Variants in TCERG1L observed in about 807,000 individuals in gnomAD.
TCERG1L encodes the protein transcription elongation regulator 1 like, also known as transcription elongation regulator 1-like protein.
In TCERG1L, 37 loss-of-function variants were observed where a neutral mutation model predicts 56.3. The ratio of observed to expected loss-of-function variants is 0.66; its 90% CI spans 0.51 to 0.87. TCERG1L has a LOEUF of 0.87. Among genes scored for constraint, TCERG1L ranks in the 40% least tolerant of loss-of-function variants. TCERG1L has a pLI of 0.00. For missense variants in TCERG1L, 799 were observed against 774.2 expected, an observed-to-expected ratio of 1.03 and a Z score of -0.38; for synonymous variants, 324 against 326.3, an observed-to-expected ratio of 0.99 and a Z score of 0.08.
chr10:131,269,569 T>C (rs1846318020), intron 3 of TCERG1L, among the ~76,000 whole-genome samples: 3 of 152,206 alleles, frequency 2.0e-5, no homozygotes, highest in African/African-American at 7.2e-5. Flanking sequence ...AAAGGCTGGT[T>C]GGTGGAGCAG....
At chr10:131,159,080 A>G (rs1414393176) in intron 6 of TCERG1L, among the ~76,000 whole-genome samples, 1 of 152,144 alleles carries the variant, frequency 6.6e-6, no homozygotes. Flanking sequence ...CTTGGCCACG[A>G]TGACCTTCTG....
chr10:131,109,552 T>TC (rs988823771), intron 9 of TCERG1L, among the ~76,000 whole-genome samples: 2 of 152,086 alleles, frequency 1.3e-5, no homozygotes, highest in Non-Finnish European at 2.9e-5. Flanking sequence ...TCTTGTTCTG[T>TC]CCCCCCGGCT....
chr10:131,109,297 C>T (rs762578028), intron 9 of TCERG1L, among the ~76,000 whole-genome samples: 4 of 152,216 alleles, frequency 2.6e-5, no homozygotes, highest in Non-Finnish European at 4.4e-5. Flanking sequence ...TTCCTCACCC[C>T]GCTGTACATC....
chr10:131,303,133 G>C (rs545705880), intron 3 of TCERG1L, among the ~76,000 whole-genome samples: 1 of 152,108 alleles, frequency 6.6e-6, no homozygotes, highest in East Asian at 1.9e-4. Flanking sequence ...AATCCTCTGG[G>C]TATATACCCA....
At chr10:131,105,663 G>A (rs1036708921) in intron 9 of TCERG1L, among the ~76,000 whole-genome samples, 16 of 152,072 alleles carry the variant, frequency 1.1e-4, no homozygotes, top group African/African-American at 3.4e-4. Context: ...TGGATATTTA[G>A]CCCATGCTAG....
chr10:131,157,078 C>T (rs61144164), intron 6 of TCERG1L, among the ~76,000 whole-genome samples: 2,309 of 152,264 alleles, frequency 0.015, 70 homozygotes, highest in African/African-American at 0.052. Context: ...CAGAGGAATG[C>T]ACCGTACTCA....
intron 4 of TCERG1L, among the ~76,000 whole-genome samples, chr10:131,235,588 G>A (rs1005600773): frequency 1.3e-5 from 2 of 152,150 alleles, no homozygotes; most frequent in Non-Finnish European, 2.9e-5. Context: ...GGAATACTCT[G>A]GTGCATTAAC....
At chr10:131,238,149 T>C (rs1845933109) in intron 4 of TCERG1L, among the ~76,000 whole-genome samples, 1 of 152,078 alleles carries the variant, frequency 6.6e-6, no homozygotes. Context: ...TTCCAGCCCC[T>C]AGATCTGCAG....
At chr10:131,197,330 C>T (rs889694586) in intron 4 of TCERG1L, among the ~76,000 whole-genome samples, 5 of 151,906 alleles carry the variant, frequency 3.3e-5, no homozygotes, top group East Asian at 3.9e-4. Context: ...TACAGGCGCC[C>T]GCCACCATGC....
chr10:131,175,374 G>C (rs181990127), intron 4 of TCERG1L, among the ~76,000 whole-genome samples: 8 of 152,348 alleles, frequency 5.3e-5, no homozygotes, highest in African/African-American at 1.9e-4. Flanking sequence ...TGGCATATCA[G>C]GGCCTATGGG....
At chr10:131,205,335 C>A (rs1048101141) in intron 4 of TCERG1L, among the ~76,000 whole-genome samples, 1 of 146,624 alleles carries the variant, frequency 6.8e-6, no homozygotes, top group African/African-American at 2.5e-5. Context: ...AGCTATGAAA[C>A]CTAAACAGGT....
intron 3 of TCERG1L, among the ~76,000 whole-genome samples, chr10:131,307,672 A>C (rs1252206783): frequency 3.3e-5 from 5 of 152,124 alleles, no homozygotes; most frequent in Admixed American, 1.3e-4. Flanking sequence ...GTTTCATGGG[A>C]GTCTGTTCCA....
At chr10:131,094,829 C>A (rs1460455312) in intron 11 of TCERG1L, among the ~76,000 whole-genome samples, 3 of 152,230 alleles carry the variant, frequency 2.0e-5, no homozygotes, top group Non-Finnish European at 4.4e-5. Flanking sequence ...AACGGTCAGA[C>A]TTGCCTGGGC....
intron 4 of TCERG1L, among the ~76,000 whole-genome samples, chr10:131,244,696 G>C (rs1846013105): frequency 6.6e-6 from 1 of 152,130 alleles, no homozygotes. Context: ...TGGCCAATTG[G>C]GGAGGGCTTC....
At chr10:131,163,667 C>T (rs1589733322) in intron 5 of TCERG1L, among the ~76,000 whole-genome samples, 1 of 152,090 alleles carries the variant, frequency 6.6e-6, no homozygotes, top group Non-Finnish European at 1.5e-5. Context: ...GAGGAGGCAA[C>T]AAACCCATAT....
chr10:131,293,894 T>C (rs1846662057), intron 3 of TCERG1L, among the ~76,000 whole-genome samples: 1 of 152,218 alleles, frequency 6.6e-6, no homozygotes, highest in Admixed American at 6.5e-5. Context: ...TTATTTTTTG[T>C]AGCCTTTTAA....
Position 131,203,753 on chromosome 10 carries a change from G to T in TCERG1L, c.857-36868C>A, listed in dbSNP as rs2944481. On this transcript the variant is annotated intron_variant, in intron 4 of 11. Transcript: ENST00000368642. ...CTGCTGCTTCTGCTCACATCCCGCC[G>T]GCGAGCGCTAGCCCTGGGGGCAGCC... is the stretch of plus-strand genomic sequence containing the variant. Among the ~76,000 whole-genome samples, 95 of 152,266 alleles carry T rather than the reference G, an allele frequency of 6.2e-4. 1 individual carries two copies. The highest frequency in any genetic ancestry group is 2.0e-3 in the African/African-American group (85 of 41,550).
Position 131,093,123 on chromosome 10 carries a change from C to G in TCERG1L, c.*39G>C. On this transcript the variant is annotated 3_prime_UTR_variant, in exon 12 of 12. Transcript: ENST00000368642. ...GTGACCCCCTCGCCCCCGGCACGCC[C>G]AGGGTCAACCCCCGGGCTTATTGCA... 3 of 1,600,512 alleles carry G rather than the reference C, an allele frequency of 1.9e-6. No individual in the cohort carries two copies. The highest frequency in any genetic ancestry group is 1.1e-5 in the South Asian group (1 of 89,162).
chr10:131,193,222 TGAG>T (rs1301915368), intron 4 of TCERG1L, among the ~76,000 whole-genome samples: 1 of 151,996 alleles, frequency 6.6e-6, no homozygotes, highest in East Asian at 1.9e-4. Flanking sequence ...TTGTTGTTGT[TGAG>T]TTTTTTTGAG....
Sources: allele counts gnomAD v4.1 joint callset (sites outside exome capture counted in the v4.1 genomes callset), GRCh38; gene constraint gnomAD v4.1.1; transcripts MANE v1.5; gene names NCBI Gene and HGNC (gene_info 2026-07-23, HGNC 2026-07-21).